ADGRA3: variants seen among roughly 807,000 people sequenced by gnomAD.
ADGRA3 encodes G-protein coupled receptor 125.
ADGRA3 carries 56 observed loss-of-function variants against 119.8 expected under a neutral mutation model. The observed-to-expected ratio is 0.47, with a 90% CI of 0.38 to 0.58. The LOEUF is 0.58. Among genes scored for constraint, ADGRA3 ranks in the 20% least tolerant of loss-of-function variants. The pLI is 0.00. For missense variants in ADGRA3, 1,516 were observed against 1,649.0 expected, an observed-to-expected ratio of 0.92 and a Z score of 1.40; for synonymous variants, 607 against 623.8, an observed-to-expected ratio of 0.97 and a Z score of 0.40.
At chr4:22,429,167 T>G (rs1011278429) in intron 10 of ADGRA3, among the ~76,000 whole-genome samples, 12 of 152,080 alleles carry the variant, frequency 7.9e-5, no homozygotes, top group Non-Finnish European at 1.5e-4. Context: ...AATCTGTAAA[T>G]ATTAAATATA....
At chr4:22,430,015 T>C (rs1036486500) in intron 10 of ADGRA3, among the ~76,000 whole-genome samples, 11 of 152,164 alleles carry the variant, frequency 7.2e-5, no homozygotes, top group Admixed American at 1.3e-4. Flanking sequence ...TCACGATATC[T>C]GATGGTATTA....
chr4:22,445,810 C>T (rs1259283575), intron 5 of ADGRA3, among the ~76,000 whole-genome samples: 2 of 152,176 alleles, frequency 1.3e-5, no homozygotes, highest in African/African-American at 4.8e-5. Flanking sequence ...AAAGAAATGT[C>T]TTTATATGAG....
intron 1 of ADGRA3, among the ~76,000 whole-genome samples, chr4:22,504,345 C>A (rs1038352188): frequency 6.6e-6 from 1 of 152,144 alleles, no homozygotes; most frequent in African/African-American, 2.4e-5. Context: ...TACCAAATGC[C>A]TGATACCCAA....
intron 5 of ADGRA3, 114 bp from the exon 6 acceptor site, chr4:22,445,247 G>T: frequency 1.2e-6 from 1 of 858,090 alleles, no homozygotes; most frequent in Non-Finnish European, 1.9e-6. Context: ...CCCATACCAT[G>T]CCTAAAGTAC....
In ADGRA3 at chr4:22,483,983, T is replaced by G. The variant is rs561352802; in HGVS notation, c.258-10140A>C. ...AGTTAAACTTCCAATGATGCATGAT[T>G]ACATTTTTTTTAAAGCTGTTAAATG... On this transcript the variant is annotated intron_variant, in intron 1 of 18. Transcript: ENST00000334304. 3.4e-5 allele frequency among the ~76,000 whole-genome samples: 3 copies of G among 88,572 alleles called. No homozygotes were observed. In the South Asian group the frequency reaches 1.1e-3, roughly 31 times the overall value. The allele number at this position is 88,572 out of a possible 152,430, so 58.1% of individuals were successfully genotyped here.
intron 10 of ADGRA3, among the ~76,000 whole-genome samples, chr4:22,426,303 A>C (rs1374138900): frequency 6.6e-6 from 1 of 152,152 alleles, no homozygotes; most frequent in Non-Finnish European, 1.5e-5. Flanking sequence ...CCCTTACCAT[A>C]ATGTATCACA....
intron 3 of ADGRA3, among the ~76,000 whole-genome samples, chr4:22,461,125 T>C (rs941169612): frequency 1.3e-5 from 2 of 152,236 alleles, no homozygotes; most frequent in African/African-American, 2.4e-5. Flanking sequence ...ATATGGCATT[T>C]ACAACAGACA....
Position 22,388,125 on chromosome 4 carries a change from G to T in ADGRA3, c.3546C>A (p.Ser1182Arg). 6.2e-7 allele frequency: 1 copy of T among 1,614,106 alleles called. No homozygotes were observed. The highest frequency in any genetic ancestry group is 1.1e-5 in the South Asian group (1 of 91,084). The change falls in exon 19 of 19, where the codon AGC becomes AGA. Residue 1182 changes from serine (S) to arginine (R), a missense_variant. Transcript: ENST00000334304. Reference sequence around the variant, plus strand: ...CATATTCTCTCAGGACTGTGAGTCGGCTTGCCCGGTGTCCTTTACTTCTGT... The same window carrying T: ...CATATTCTCTCAGGACTGTGAGTCGTCTTGCCCGGTGTCCTTTACTTCTGT... Reference protein sequence around the residue: ...HKNRSKGHRASRLTVLREYAY... With the variant: ...HKNRSKGHRARRLTVLREYAY...
intron 2 of ADGRA3, among the ~76,000 whole-genome samples, chr4:22,470,961 C>T (rs993140838): frequency 2.0e-5 from 3 of 152,162 alleles, no homozygotes; most frequent in East Asian, 1.9e-4. Flanking sequence ...CATCTGCTAT[C>T]GGTCGCTGGT....
chr4:22,422,812 T>G (rs183041040), intron 11 of ADGRA3, among the ~76,000 whole-genome samples: 1 of 152,248 alleles, frequency 6.6e-6, no homozygotes, highest in Non-Finnish European at 1.5e-5. Flanking sequence ...AAAATGGATC[T>G]AAATGGCGGA....
At chr4:22,401,070 TTCATCAACACATAAAATAATTTTTAAA>T (rs1714615568) in intron 16 of ADGRA3, among the ~76,000 whole-genome samples, 1 of 152,184 alleles carries the variant, frequency 6.6e-6, no homozygotes, top group African/African-American at 2.4e-5. Flanking sequence ...AATTTTTGTT[TTCATCAACACATAAAATAATTTTTAAA>T]ATTCTACTAT....
chr4:22,389,661 C>T (rs534557680), intron 17 of ADGRA3, among the ~76,000 whole-genome samples: 2 of 152,220 alleles, frequency 1.3e-5, no homozygotes, highest in South Asian at 2.1e-4. Flanking sequence ...TGTATCTCAT[C>T]GCCAGTCCAC....
intron 18 of ADGRA3, 34 bp from the exon 19 acceptor site, chr4:22,388,981 A>G (rs1713986481): frequency 6.2e-7 from 1 of 1,605,998 alleles, no homozygotes. Flanking sequence ...GATCGATGCT[A>G]CATGTTTCAA....
rs758415525 is a variant in ADGRA3 at position 22,424,329 on chromosome 4, A to G, written c.1467T>C (p.Ile489=). 2.5e-6 allele frequency: 4 copies of G among 1,613,680 alleles called. No homozygotes were observed. In the Admixed American group the frequency reaches 6.7e-5, roughly 27 times the overall value. ...CATCAGCCAACATGATGTTACTTGC[A>G]ATGTCAACCATCACGTCACCTAGCT... ...SKELGDVMVD[I]ASNIMLADER... Residue 489 remains isoleucine (I), a synonymous_variant, in exon 11 of 19, where the codon ATT becomes ATC. Coordinates refer to ENST00000334304, the MANE Select transcript of ADGRA3 (RefSeq NM_145290.4).
intron 2 of ADGRA3, among the ~76,000 whole-genome samples, chr4:22,463,164 C>A (rs779095650): frequency 6.6e-6 from 1 of 152,226 alleles, no homozygotes; most frequent in African/African-American, 2.4e-5. Context: ...CCTTACATAA[C>A]AGTGGCAACC....
rs1445186813 is a variant in ADGRA3, at chr4:22,493,007, C to A, written c.258-19164G>T. ...AAGAGACAGGGTTTCACTCTGTCAC[C>A]CAGGTGGAGTGCAGAGGCACAATCA... is the stretch of plus-strand genomic sequence containing the variant. On this transcript the variant is annotated intron_variant, in intron 1 of 18. Transcript: ENST00000334304. Among the ~76,000 whole-genome samples the A allele has an allele frequency of 1.0e-3, 5 of 4,790 alleles. No individual in the cohort carries two copies. In the Non-Finnish European group the frequency reaches 0.065, roughly 62 times the overall value. The allele number at this position is 4,790 out of a possible 152,430, so 3.1% of individuals were successfully genotyped here. A position where few individuals can be genotyped will look rare whatever the true frequency, so the allele number is the denominator to read the frequency against.
chr4:22,412,931 T>C lies in ADGRA3; in HGVS notation c.2232+251A>G, dbSNP rs73800936. 0.052 allele frequency among the ~76,000 whole-genome samples: 7,906 copies of C among 152,212 alleles called. 362 individuals are homozygous for C. The highest frequency in any genetic ancestry group is 0.23 in the East Asian group (1,204 of 5,160). The stretch of plus-strand genomic sequence containing the variant: ...TAAGGTCAAAGACTAACTGAACTGA[T>C]TGACTTATAAAGTTGATTTAAAATT... On this transcript the variant is annotated intron_variant, in intron 14 of 18. Coordinates refer to ENST00000334304, the MANE Select transcript of ADGRA3 (RefSeq NM_145290.4).
chr4:22,435,333 G>A lies in ADGRA3; in HGVS notation c.1421C>T (p.Thr474Ile), dbSNP rs1435340118. Residue 474 changes from threonine (T) to isoleucine (I), a missense_variant, in exon 10 of 19, where the codon ACC (threonine) becomes ATC (isoleucine). By Grantham distance (89) the Thr-to-Ile change is moderately conservative. This residue lies in a region of ADGRA3 where 1,088 missense variants were observed against 1,107.1 expected (regional missense o/e 0.98). Transcript: ENST00000334304. ...TACCTCTTTTGATTTTTCCTCCTTG[G>A]TAAATCTTCCAAATTTTTCAATCAT... Reference protein sequence around the residue: ...AEMIEKFGRFTKEEKSKELGD... With the variant: ...AEMIEKFGRFIKEEKSKELGD... 1 of 1,612,812 alleles carries A rather than the reference G, an allele frequency of 6.2e-7. No homozygotes were observed. The highest frequency in any genetic ancestry group is 8.5e-7 in the Non-Finnish European group (1 of 1,179,128).
Position 22,489,561 on chromosome 4 carries a change from GA to G in ADGRA3, c.258-15719del, listed in dbSNP as rs370836014. ...GAAAAGGAAATATCTTTCATTTGAA[GA>G]GAGACTTGTAAGACTAACTACAAGC... On this transcript the variant is annotated intron_variant, in intron 1 of 18. Coordinates refer to ENST00000334304, the MANE Select transcript of ADGRA3 (RefSeq NM_145290.4). 2.3e-4 allele frequency among the ~76,000 whole-genome samples: 35 copies of G among 152,292 alleles called. No homozygotes were observed. The East Asian group carries it at 3.9e-3, about 17-fold the overall frequency.
Sources: gnomAD v4.1 joint callset for allele counts (sites outside exome capture counted in the v4.1 genomes callset) on GRCh38, gnomAD v4.1.1 for gene constraint, gnomAD v4.1.1 regional missense constraint, MANE v1.5 for transcripts, NCBI Gene and HGNC (gene_info 2026-07-23, HGNC 2026-07-21) for gene names.